The following PCDHGB6 variants were observed in gnomAD, a reference collection of about 807,000 sequenced individuals.
PCDHGB6 encodes protocadherin gamma subfamily B, 6.
A neutral mutation model predicts 59.1 loss-of-function variants in PCDHGB6; 51 were observed. That is an observed-to-expected ratio of 0.86 (90% CI 0.69 to 1.09). PCDHGB6 has a LOEUF of 1.09. Among genes scored for constraint, PCDHGB6 ranks in the 50% least tolerant of loss-of-function variants. PCDHGB6 has a pLI of 0.00. For synonymous variants in PCDHGB6, 466 were observed against 495.1 expected (o/e 0.94, Z 0.78); for missense variants, 1,148 against 1,205.1 (o/e 0.95, Z 0.70).
Position 141,490,703 on chromosome 5 carries a change from G to GCCT in PCDHGB6, c.2419-4102_2419-4100dup. 6.2e-7 allele frequency: 1 copy of GCCT among 1,614,110 alleles called. No individual in the cohort carries two copies. The highest frequency in any genetic ancestry group is 8.5e-7 in the Non-Finnish European group (1 of 1,180,000). Reference sequence around the variant, plus strand: ...GATCCAGACACTGGGGATAATGCCCGCCTCACCTACTCCATTGTAGGAAAT... The same window carrying GCCT: ...GATCCAGACACTGGGGATAATGCCCGCCTCCTCACCTACTCCATTGTAGGAAAT... On this transcript the variant is annotated intron_variant, in intron 1 of 3. Transcript: ENST00000520790. This position sits in a 1 kb window ranked among gnomAD's most constrained non-coding sequence, Gnocchi z 5.4.
rs184835272 is a variant in PCDHGB6, at chr5:141,470,234, C to A, written c.2419-24573C>A. ...AACCATTCAGCTTCTTCACCAAACC[C>A]TTGAATGTCCCACCTGTCTAAATGG... On this transcript the variant is annotated intron_variant, in intron 1 of 3. Transcript: ENST00000520790. Among the ~76,000 whole-genome samples, 6 of 152,288 alleles carry A rather than the reference C, an allele frequency of 3.9e-5. No individual in the cohort carries two copies. The East Asian group carries it at 9.6e-4, about 24-fold the overall frequency.
chr5:141,421,924 G>A, intron 1 of PCDHGB6: 1 of 1,613,564 alleles, frequency 6.2e-7, no homozygotes, highest in South Asian at 1.1e-5. Context: ...TCGTGTGGTG[G>A]TCCTCGATGT....
intron 1 of PCDHGB6, among the ~76,000 whole-genome samples, chr5:141,438,216 T>A (rs2097938802): frequency 6.6e-6 from 1 of 152,158 alleles, no homozygotes; most frequent in Non-Finnish European, 1.5e-5. Flanking sequence ...TGGGAAGGGC[T>A]CTGGTTCAGG....
At chr5:141,501,206 A>G (rs977574347) in intron 2 of PCDHGB6, among the ~76,000 whole-genome samples, 22 of 151,674 alleles carry the variant, frequency 1.5e-4, no homozygotes, top group African/African-American at 5.3e-4. Context: ...GGGTGTTGTC[A>G]GGGTGACTTC....
chr5:141,421,359 C>T, intron 1 of PCDHGB6: 1 of 1,614,012 alleles, frequency 6.2e-7, no homozygotes, highest in Non-Finnish European at 8.5e-7. Context: ...AAAAGGGCTC[C>T]TTCGTGGGCA....
At chr5:141,414,167 A>T (rs2095716553) in intron 1 of PCDHGB6, 3 of 1,605,526 alleles carry the variant, frequency 1.9e-6, no homozygotes, top group Non-Finnish European at 2.6e-6. Flanking sequence ...GGAGGAGCAT[A>T]TCTTGCAACT....
At position 141,489,590 on chromosome 5, in the gene PCDHGB6, T is replaced by C; in HGVS notation, c.2419-5217T>C. The C allele has an allele frequency of 6.2e-7, 1 of 1,614,044 alleles. No homozygotes were observed. Among genetic ancestry groups the C allele is most frequent in the Non-Finnish European group, 8.5e-7 (1 of 1,179,984 alleles). ...GTGACTGAACACCCCCTGGAGCTAA[T>C]CCGTGTAGAGGTAGAGATCCTGGAT... On this transcript the variant is annotated intron_variant, in intron 1 of 3. Transcript: ENST00000520790. The surrounding 1 kb of genome is among the most constrained non-coding windows in gnomAD (Gnocchi z 4.5).
intron 1 of PCDHGB6, chr5:141,415,426 C>T: frequency 6.2e-7 from 1 of 1,614,194 alleles, no homozygotes; most frequent in Non-Finnish European, 8.5e-7. Flanking sequence ...GGACGGGGTT[C>T]GGGCTTTCCT....
intron 1 of PCDHGB6, chr5:141,475,885 A>G (rs1593590954): frequency 1.8e-6 from 1 of 556,524 alleles, no homozygotes. Flanking sequence ...ATTGGCTGGG[A>G]CTCTGTGTGC....
chr5:141,511,381 G>A lies in PCDHGB6; in HGVS notation c.*208G>A, dbSNP rs545793377. 97 of 1,170,372 alleles carry A rather than the reference G, an allele frequency of 8.3e-5. No homozygotes were observed. In the East Asian group the frequency reaches 9.2e-4, roughly 11 times the overall value. 72.5% of individuals were successfully genotyped at this position (1,170,372 alleles called of 1,614,324 possible). On this transcript the variant is annotated 3_prime_UTR_variant, in exon 4 of 4. Transcript: ENST00000520790. ...GGGTTGAATATGCAAAAGCAGTTCC[G>A]CTGGGAACCCCCATCCAATCAACTG...
Position 141,409,054 on chromosome 5 carries a change from T to TA in PCDHGB6, c.852_853insA (p.Ala285SerfsTer12). ...AGATAAACTACTACTTCCGAAGCAC[T>TA]GCCCAGAGCACAAAACATATGTTCT... On this transcript the variant is annotated frameshift_variant, in exon 1 of 4. Transcript: ENST00000520790. LOFTEE classifies it high-confidence loss of function. 1 of 1,614,028 alleles carries TA rather than the reference T, an allele frequency of 6.2e-7. No homozygotes were observed. The highest frequency in any genetic ancestry group is 1.3e-5 in the African/African-American group (1 of 75,054).
Position 141,476,854 on chromosome 5 carries a change from G to A in PCDHGB6, c.2419-17953G>A. The A allele has an allele frequency of 6.2e-7, 1 of 1,613,860 alleles. No individual in the cohort carries two copies. The highest frequency in any genetic ancestry group is 1.1e-5 in the South Asian group (1 of 91,088). ...ATGACAATGCGCCTGTCTTCAACCA[G>A]TCCTTGTACCGGGCGCGCGTCCTGG... On this transcript the variant is annotated intron_variant, in intron 1 of 3. Transcript: ENST00000520790. This position sits in a 1 kb window ranked among gnomAD's most constrained non-coding sequence, Gnocchi z 7.6.
chr5:141,477,532 C>A lies in PCDHGB6; in HGVS notation c.2419-17275C>A. 6.2e-7 allele frequency: 1 copy of A among 1,614,146 alleles called. No individual in the cohort carries two copies. The highest frequency in any genetic ancestry group is 8.5e-7 in the Non-Finnish European group (1 of 1,180,028). ...TTTACATTGAAGAAAACAACCTCCC[C>A]GGGGCTCCAATACTAAACCTAAGTG... On this transcript the variant is annotated intron_variant, in intron 1 of 3. Coordinates refer to ENST00000520790, the MANE Select transcript of PCDHGB6 (RefSeq NM_018926.3). The surrounding 1 kb of genome is among the most constrained non-coding windows in gnomAD (Gnocchi z 4.9).
Position 141,489,381 on chromosome 5 carries a change from T to C in PCDHGB6, c.2419-5426T>C. 3 of 1,613,894 alleles carry C rather than the reference T, an allele frequency of 1.9e-6. No individual in the cohort carries two copies. The highest frequency in any genetic ancestry group is 2.5e-6 in the Non-Finnish European group (3 of 1,179,802). On this transcript the variant is annotated intron_variant, in intron 1 of 3. Coordinates refer to ENST00000520790, the MANE Select transcript of PCDHGB6 (RefSeq NM_018926.3). The surrounding 1 kb of genome is among the most constrained non-coding windows in gnomAD (Gnocchi z 4.5). ...CTGAGCCGGGGACGCTGGTGGGGAA[T>C]GTTGCTCAGGATCTGGGCTTAAAGA...
chr5:141,499,404 T>G (rs1468724077), intron 2 of PCDHGB6, among the ~76,000 whole-genome samples: 3 of 152,178 alleles, frequency 2.0e-5, no homozygotes, highest in African/African-American at 7.2e-5. Context: ...ACATGCTCAT[T>G]ATAGAAACAT....
intron 1 of PCDHGB6, among the ~76,000 whole-genome samples, chr5:141,462,160 A>T (rs575238638): frequency 4.6e-5 from 7 of 152,122 alleles, no homozygotes; most frequent in Non-Finnish European, 1.0e-4. Flanking sequence ...GGGTTTCATC[A>T]TGTTGGCCAG....
intron 1 of PCDHGB6, among the ~76,000 whole-genome samples, chr5:141,475,341 C>T (rs1306106224): frequency 6.6e-6 from 1 of 152,162 alleles, no homozygotes; most frequent in Non-Finnish European, 1.5e-5. Context: ...CAATGACATC[C>T]AGTTTTAAAA....
In PCDHGB6 at chr5:141,485,125, G is replaced by A. The variant is rs776015544; in HGVS notation, c.2419-9682G>A. 7.1e-7 allele frequency: 1 copy of A among 1,412,160 alleles called. No homozygotes were observed. The highest frequency in any genetic ancestry group is 1.2e-5 in the South Asian group (1 of 81,022). The allele number at this position is 1,412,160 out of a possible 1,614,324, so 87.5% of individuals were successfully genotyped here. On this transcript the variant is annotated intron_variant, in intron 1 of 3. Transcript: ENST00000520790. This position sits in a 1 kb window ranked among gnomAD's most constrained non-coding sequence, Gnocchi z 5.7. ...CTGCTGTGGCTGTTTGGGGCGGGTC[G>A]GCTTCATCCGCGTCTCAGGAGCAAG... is the stretch of plus-strand genomic sequence containing the variant.
At chr5:141,510,349 C>T (rs1461596705) in intron 3 of PCDHGB6, among the ~76,000 whole-genome samples, 1 of 148,468 alleles carries the variant, frequency 6.7e-6, no homozygotes, top group Non-Finnish European at 1.5e-5. Context: ...CACACACTTA[C>T]TAACGGAACT....
Sources: gnomAD v4.1 joint callset for allele counts (sites outside exome capture counted in the v4.1 genomes callset) on GRCh38, gnomAD v4.1.1 for gene constraint, Gnocchi (gnomAD v3.1) non-coding constraint, MANE v1.5 for transcripts, NCBI Gene and HGNC (gene_info 2026-07-23, HGNC 2026-07-21) for gene names.